CACNA2D3: variants seen among roughly 807,000 people sequenced by gnomAD.
CACNA2D3 encodes the protein voltage-dependent calcium channel subunit alpha-2/delta-3.
A neutral mutation model predicts 160.6 loss-of-function variants in CACNA2D3; 60 were observed. The observed-to-expected ratio is 0.37, with a 90% CI of 0.30 to 0.46. The LOEUF is 0.46. Among genes scored for constraint, CACNA2D3 ranks in the 20% least tolerant of loss-of-function variants. The probability of loss-of-function intolerance (pLI) is 1.00; values close to 1 mark genes in which losing one functional copy is unlikely to be tolerated. For missense variants in CACNA2D3, 1,205 were observed against 1,365.0 expected, an observed-to-expected ratio of 0.88 and a Z score of 1.85; for synonymous variants, 558 against 492.9, an observed-to-expected ratio of 1.13 and a Z score of -1.75.
intron 5 of CACNA2D3, among the ~76,000 whole-genome samples, chr3:54,550,246 C>T (rs1702133811): frequency 6.6e-6 from 1 of 152,188 alleles, no homozygotes; most frequent in South Asian, 2.1e-4. Flanking sequence ...TCCTGCATCG[C>T]CCGTCCCCTG....
chr3:54,885,651 T>G (rs1278456569), intron 23 of CACNA2D3, 65 bp downstream of exon 23: 3 of 1,255,266 alleles, frequency 2.4e-6, no homozygotes, highest in African/African-American at 1.5e-5. Flanking sequence ...ACTCAAAACA[T>G]TTTTTGGCCT....
intron 2 of CACNA2D3, among the ~76,000 whole-genome samples, chr3:54,179,399 G>A (rs139347803): frequency 6.6e-6 from 1 of 152,204 alleles, no homozygotes; most frequent in East Asian, 1.9e-4. Context: ...TACTCTTGGG[G>A]AACCTTTCTC....
At chr3:54,758,128 A>C (rs1702009346) in intron 12 of CACNA2D3, among the ~76,000 whole-genome samples, 1 of 152,146 alleles carries the variant, frequency 6.6e-6, no homozygotes, top group African/African-American at 2.4e-5. Flanking sequence ...TCAGGTCCTG[A>C]TGTTTCAGAG....
At chr3:54,692,959 G>T (rs1700596148) in intron 11 of CACNA2D3, among the ~76,000 whole-genome samples, 1 of 152,102 alleles carries the variant, frequency 6.6e-6, no homozygotes, top group Non-Finnish European at 1.5e-5. Context: ...CTCTTTTTAA[G>T]TGAGGCTTGG....
intron 2 of CACNA2D3, among the ~76,000 whole-genome samples, chr3:54,179,504 G>A (rs1159948101): frequency 6.6e-6 from 1 of 152,232 alleles, no homozygotes; most frequent in Non-Finnish European, 1.5e-5. Flanking sequence ...CTGCCCAGTG[G>A]TGGAGGAAAC....
At chr3:54,860,421 G>T (rs1285056016) in intron 17 of CACNA2D3, among the ~76,000 whole-genome samples, 1 of 152,180 alleles carries the variant, frequency 6.6e-6, no homozygotes, top group Non-Finnish European at 1.5e-5. Context: ...AGTAGTAACT[G>T]GGAGGGGCTG....
chr3:54,801,714 T>A (rs1196866122), intron 13 of CACNA2D3, among the ~76,000 whole-genome samples: 1 of 152,172 alleles, frequency 6.6e-6, no homozygotes, highest in Non-Finnish European at 1.5e-5. Context: ...TTGTGTGATT[T>A]TTAAAAAGAA....
At chr3:54,815,791 G>T (rs1238703962) in intron 13 of CACNA2D3, among the ~76,000 whole-genome samples, 2 of 152,192 alleles carry the variant, frequency 1.3e-5, no homozygotes, top group Non-Finnish European at 2.9e-5. Flanking sequence ...ATGGGATAAT[G>T]CAAAGACGTA....
At chr3:54,309,080 G>A (rs185046258) in intron 2 of CACNA2D3, among the ~76,000 whole-genome samples, 136 of 152,362 alleles carry the variant, frequency 8.9e-4, no homozygotes, top group African/African-American at 3.1e-3. Context: ...GGGGTTGTGA[G>A]GATGTATGTA....
chr3:55,008,362 A>G (rs1409583959), intron 33 of CACNA2D3, among the ~76,000 whole-genome samples: 2 of 152,222 alleles, frequency 1.3e-5, no homozygotes, highest in Admixed American at 6.5e-5. Context: ...GAAATGGCAC[A>G]AAGATGAAAG....
At chr3:54,279,328 T>G (rs1575363301) in intron 2 of CACNA2D3, among the ~76,000 whole-genome samples, 1 of 152,192 alleles carries the variant, frequency 6.6e-6, no homozygotes, top group Admixed American at 6.5e-5. Context: ...TGGGCAGCAG[T>G]GACCTTCACT....
intron 24 of CACNA2D3, among the ~76,000 whole-genome samples, chr3:54,890,635 G>T (rs1575534242): frequency 6.6e-6 from 1 of 152,242 alleles, no homozygotes; most frequent in East Asian, 1.9e-4. Context: ...ATTTGCCTTG[G>T]AAGTTGAAAC....
At chr3:54,556,952 A>C (rs150032688) in intron 5 of CACNA2D3, among the ~76,000 whole-genome samples, 1 of 152,212 alleles carries the variant, frequency 6.6e-6, no homozygotes, top group Non-Finnish European at 1.5e-5. Context: ...ACTTTCTGTC[A>C]GTGATGTTGG....
intron 11 of CACNA2D3, among the ~76,000 whole-genome samples, chr3:54,670,689 G>A (rs1198409576): frequency 6.6e-6 from 1 of 152,224 alleles, no homozygotes; most frequent in Non-Finnish European, 1.5e-5. Context: ...CTTTCTTCCT[G>A]TGATAGGTCT....
chr3:54,781,099 A>G (rs1702527365), intron 13 of CACNA2D3, among the ~76,000 whole-genome samples: 1 of 149,672 alleles, frequency 6.7e-6, no homozygotes, highest in African/African-American at 2.6e-5. Flanking sequence ...AATTTTAACT[A>G]TTAATGTTAC....
intron 34 of CACNA2D3, among the ~76,000 whole-genome samples, chr3:55,011,760 G>T (rs954294251): frequency 1.3e-5 from 2 of 152,014 alleles, no homozygotes; most frequent in African/African-American, 2.4e-5. Context: ...TCATGTCCCC[G>T]AAAGGAAATC....
intron 11 of CACNA2D3, among the ~76,000 whole-genome samples, chr3:54,701,927 A>G (rs564435168): frequency 7.2e-5 from 11 of 152,310 alleles, no homozygotes; most frequent in South Asian, 4.1e-4. Flanking sequence ...CCAATGGAAC[A>G]GGTCAGAGAA....
At position 54,784,440 on chromosome 3, in the gene CACNA2D3, C is replaced by T. The variant is rs1009263682; in HGVS notation, c.1380+20089C>T. Among the ~76,000 whole-genome samples the T allele has an allele frequency of 4.1e-5, 6 of 147,696 alleles. No homozygotes were observed. In the Admixed American group the frequency reaches 4.1e-4, roughly 10 times the overall value. On this transcript the variant is annotated intron_variant, in intron 13 of 37. Coordinates refer to ENST00000474759, the MANE Select transcript of CACNA2D3 (RefSeq NM_018398.3). ...AAGGAGAAGCCGTGACATTGTCAGA[C>T]TTTTTTTTTTTAATAACCGAACTCT... is the stretch of plus-strand genomic sequence containing the variant.
chr3:54,455,500 A>T (rs568110134), intron 4 of CACNA2D3, among the ~76,000 whole-genome samples: 76 of 151,652 alleles, frequency 5.0e-4, no homozygotes, highest in Non-Finnish European at 9.9e-4. Flanking sequence ...GTTTGCAGAT[A>T]TTTTTTTTCC....
Sources: gnomAD v4.1 joint callset for allele counts (sites outside exome capture counted in the v4.1 genomes callset) on GRCh38, gnomAD v4.1.1 for gene constraint, MANE v1.5 for transcripts, NCBI Gene and HGNC (gene_info 2026-07-23, HGNC 2026-07-21) for gene names.